PIK3CA: variants seen among roughly 807,000 people sequenced by gnomAD.
PIK3CA encodes phosphatidylinositol 4,5-bisphosphate 3-kinase catalytic subunit alpha isoform.
PIK3CA carries 27 observed loss-of-function variants against 138.2 expected under a neutral mutation model. That is an observed-to-expected ratio of 0.20 (90% CI 0.14 to 0.27). PIK3CA has a LOEUF of 0.27. PIK3CA is among the 10% of genes least tolerant of loss of function. PIK3CA has a pLI of 1.00. For missense variants in PIK3CA, 544 were observed against 1,277.4 expected (o/e 0.43, Z 8.75); for synonymous variants, 358 against 413.2 (o/e 0.87, Z 1.62).
At chr3:179,177,171 G>A (rs536305140) in intron 1 of PIK3CA, among the ~76,000 whole-genome samples, 30 of 152,150 alleles carry the variant, frequency 2.0e-4, no homozygotes, top group Admixed American at 1.6e-3. Flanking sequence ...TGTGTTGCAG[G>A]TGCTTTTCCA....
chr3:179,186,802 C>T (rs1026868281), intron 1 of PIK3CA, among the ~76,000 whole-genome samples: 2 of 152,120 alleles, frequency 1.3e-5, no homozygotes, highest in East Asian at 1.9e-4. Flanking sequence ...AGAACCCTTC[C>T]GTATTTTGCA....
rs147434500 is a variant in PIK3CA at position 179,159,239 on chromosome 3, T to C, written c.-77+10636T>C. ...ATTTTGTCTCTTTTAGGGGGTGATA[T>C]GTACAATGAAAAAATAACATGACAT... On this transcript the variant is annotated intron_variant, in intron 1 of 20. Coordinates refer to ENST00000263967, the MANE Select transcript of PIK3CA (RefSeq NM_006218.4). Among the ~76,000 whole-genome samples the C allele has an allele frequency of 2.4e-3, 373 of 152,278 alleles. 1 individual carries two copies. The highest frequency in any genetic ancestry group is 8.6e-3 in the African/African-American group (357 of 41,566).
intron 1 of PIK3CA, among the ~76,000 whole-genome samples, chr3:179,172,711 TAAAG>T (rs1341408782): frequency 6.6e-6 from 1 of 152,158 alleles, no homozygotes; most frequent in African/African-American, 2.4e-5. Flanking sequence ...TGATGGAAGT[TAAAG>T]AAGAACTAAG....
intron 2 of PIK3CA, 57 bp from the exon 3 acceptor site, chr3:179,199,632 AC>A (rs1455873174): frequency 5.6e-6 from 7 of 1,249,014 alleles, no homozygotes; most frequent in East Asian, 4.7e-5. Context: ...TGCAAAAAAA[AC>A]ATGTTCATGC....
chr3:179,178,298 A>G (rs77152579), intron 1 of PIK3CA, among the ~76,000 whole-genome samples: 13 of 151,404 alleles, frequency 8.6e-5, no homozygotes, highest in African/African-American at 3.1e-4. Context: ...ATTAACATTT[A>G]AAAAATTATG....
intron 1 of PIK3CA, among the ~76,000 whole-genome samples, chr3:179,170,189 G>C (rs917146049): frequency 6.6e-6 from 1 of 152,156 alleles, no homozygotes; most frequent in Non-Finnish European, 1.5e-5. Flanking sequence ...GCTTAATAAT[G>C]AAAGACTCGC....
intron 1 of PIK3CA, among the ~76,000 whole-genome samples, chr3:179,157,184 G>A (rs1363516532): frequency 1.3e-5 from 2 of 152,110 alleles, no homozygotes; most frequent in African/African-American, 2.4e-5. Flanking sequence ...TCAATGCATA[G>A]TAATGTCATT....
rs1047796218 is a variant in PIK3CA at position 179,234,987 on chromosome 3, T to A, written c.*623T>A. 2.8e-5 allele frequency: 6 copies of A among 216,398 alleles called. No individual in the cohort carries two copies. Among genetic ancestry groups the A allele is most frequent in the African/African-American group, 1.4e-4 (6 of 44,360 alleles). The allele number at this position is 216,398 out of a possible 1,614,324, so 13.4% of individuals were successfully genotyped here. A position where few individuals can be genotyped will look rare whatever the true frequency, so the allele number is the denominator to read the frequency against. ...TTTAATAAATCAAACCTTTTGATGA[T>A]TTGAGGTTTTATCTGCAGTTTTGGA... is the stretch of plus-strand genomic sequence containing the variant. On this transcript the variant is annotated 3_prime_UTR_variant, in exon 21 of 21. Transcript: ENST00000263967. The surrounding 1 kb of genome is among the most constrained non-coding windows in gnomAD (Gnocchi z 5.1).
chr3:179,237,223 G>A lies in PIK3CA; in HGVS notation c.*2859G>A, dbSNP rs1459198903. ...TGGAATTTGTTTTTTTAAAAAAGAT[G>A]TTTCTAATTGGATTTTTAAAAGAAG... is the stretch of plus-strand genomic sequence containing the variant. On this transcript the variant is annotated 3_prime_UTR_variant, in exon 21 of 21. Coordinates refer to ENST00000263967, the MANE Select transcript of PIK3CA (RefSeq NM_006218.4). 1 of 193,364 alleles carries A rather than the reference G, an allele frequency of 5.2e-6. No individual in the cohort carries two copies. Among genetic ancestry groups the A allele is most frequent in the Non-Finnish European group, 1.1e-5 (1 of 92,798 alleles). 12.0% of individuals were successfully genotyped at this position (193,364 alleles called of 1,614,324 possible).
chr3:179,233,288 G>A, intron 20 of PIK3CA: 1 of 398,258 alleles, frequency 2.5e-6, no homozygotes, highest in Non-Finnish European at 4.4e-6. Context: ...TCTTGTTCTA[G>A]TTCTCAGGGG....
intron 1 of PIK3CA, among the ~76,000 whole-genome samples, chr3:179,163,793 T>C (rs932118465): frequency 5.3e-5 from 8 of 152,168 alleles, no homozygotes; most frequent in Non-Finnish European, 8.8e-5. Flanking sequence ...TGATTTTTTT[T>C]TTTTTACTTT....
chr3:179,177,931 T>C (rs1210754982), intron 1 of PIK3CA, among the ~76,000 whole-genome samples: 1 of 152,072 alleles, frequency 6.6e-6, no homozygotes, highest in Non-Finnish European at 1.5e-5. Context: ...TAAAGATGTG[T>C]ATCAGAATAT....
At chr3:179,229,083 C>T (rs1273445134) in intron 17 of PIK3CA, among the ~76,000 whole-genome samples, 189 bp from the exon 18 acceptor site, 2 of 151,910 alleles carry the variant, frequency 1.3e-5, no homozygotes, top group Non-Finnish European at 2.9e-5. Flanking sequence ...TAAATGATGA[C>T]AGGTAATTTT....
chr3:179,225,997 C>T lies in PIK3CA; in HGVS notation c.2452C>T (p.Arg818Cys), dbSNP rs2108419500. ...RQDMLTLQII[R>C]IMENIWQNQG... ...AGATATGCTAACACTTCAAATTATTCGTATTATGGAAAATATCTGGCAAAA... is the reference window on the plus strand; with the variant it reads ...AGATATGCTAACACTTCAAATTATTTGTATTATGGAAAATATCTGGCAAAA... The change falls in exon 17 of 21, where the codon CGT becomes TGT. Residue 818 changes from arginine (R) to cysteine (C), a missense_variant. By Grantham distance (180) the Arg-to-Cys change is radical. Coordinates refer to ENST00000263967, the MANE Select transcript of PIK3CA (RefSeq NM_006218.4). 1 of 1,595,566 alleles carries T rather than the reference C, an allele frequency of 6.3e-7. No individual in the cohort carries two copies. Among genetic ancestry groups the T allele is most frequent in the Non-Finnish European group, 8.6e-7 (1 of 1,164,994 alleles).
chr3:179,225,127 GTT>G (rs552876281), intron 16 of PIK3CA, among the ~76,000 whole-genome samples: 1 of 147,154 alleles, frequency 6.8e-6, no homozygotes, highest in African/African-American at 2.5e-5. Context: ...TGTTGTTTTG[GTT>G]TTTTTTTTAA....
rs748089627 is a variant in PIK3CA at position 179,234,292 on chromosome 3, T to G, written c.3135T>G (p.Asp1045Glu). The part of the protein sequence containing the change: ...ALEYFMKQMN[D>E]AHHGGWTTKM... ...AGTATTTCATGAAACAAATGAATGA[T>G]GCACATCATGGTGGCTGGACAACAA... The change falls in exon 21 of 21, where the codon GAT (aspartate) becomes GAG (glutamate). Residue 1045 changes from aspartate (D) to glutamate (E), a missense_variant. Physicochemically the swap from Asp to Glu is conservative, Grantham distance 45 (BLOSUM62 2). Around this residue, in one of 14 missense-constraint regions of PIK3CA, gnomAD observed 12 missense variants for 75.3 expected, o/e 0.16. Transcript: ENST00000263967. The surrounding 1 kb of genome is among the most constrained non-coding windows in gnomAD (Gnocchi z 5.1). 6.2e-7 allele frequency: 1 copy of G among 1,613,584 alleles called. No homozygotes were observed. The highest frequency in any genetic ancestry group is 8.5e-7 in the Non-Finnish European group (1 of 1,179,654).
At chr3:179,175,015 T>G (rs1723660733) in intron 1 of PIK3CA, among the ~76,000 whole-genome samples, 1 of 152,242 alleles carries the variant, frequency 6.6e-6, no homozygotes, top group African/African-American at 2.4e-5. Context: ...TCTTGATTGC[T>G]TGCTAGGTCT....
chr3:179,226,117 T>C, intron 17 of PIK3CA, 77 bp downstream of exon 17: 1 of 761,500 alleles, frequency 1.3e-6, no homozygotes, highest in Non-Finnish European at 2.3e-6. Context: ...TAGAAGCATA[T>C]AGAGGCATAT....
intron 9 of PIK3CA, among the ~76,000 whole-genome samples, chr3:179,212,564 G>A (rs10936992): frequency 0.26 from 38,946 of 151,446 alleles, 5,933 homozygotes; most frequent in African/African-American, 0.42. Flanking sequence ...AGATTGCGCC[G>A]CTGCACTCCA....
Sources: gnomAD v4.1 joint callset for allele counts (sites outside exome capture counted in the v4.1 genomes callset) on GRCh38, gnomAD v4.1.1 for gene constraint, gnomAD v4.1.1 regional missense constraint, Gnocchi (gnomAD v3.1) non-coding constraint, MANE v1.5 for transcripts, NCBI Gene and HGNC (gene_info 2026-07-23, HGNC 2026-07-21) for gene names.